Variants in IQCH observed in about 807,000 individuals in gnomAD.
IQCH encodes IQ motif containing H.
IQCH carries 98 observed loss-of-function variants against 117.0 expected under a neutral mutation model. The ratio of observed to expected loss-of-function variants is 0.84; its 90% confidence interval spans 0.71 to 0.99. IQCH has a LOEUF of 0.99. Among genes scored for constraint, IQCH ranks in the 50% least tolerant of loss-of-function variants. The pLI, the probability that IQCH is intolerant of heterozygous loss-of-function variation, is 0.00. For synonymous variants in IQCH, 412 were observed against 448.2 expected (o/e 0.92, Z 1.02); for missense variants, 1,102 against 1,243.8 (o/e 0.89, Z 1.72).
Position 67,359,808 on chromosome 15 carries a change from G to T in IQCH, c.715-39G>T, listed in dbSNP as rs1471755617. On this transcript the variant is annotated intron_variant, in intron 7 of 20. Coordinates refer to ENST00000335894, the MANE Select transcript of IQCH (RefSeq NM_001031715.3). This position sits in a 1 kb window ranked among gnomAD's most constrained non-coding sequence, Gnocchi z 4.5. ...TTGTTTTGTAAAATTGCCCATGAGA[G>T]TCGTTTTGATTTAAACTGTGTCTCA... is the stretch of plus-strand genomic sequence containing the variant. 1 of 1,557,160 alleles carries T rather than the reference G, an allele frequency of 6.4e-7. No homozygotes were observed. The highest frequency in any genetic ancestry group is 8.9e-7 in the Non-Finnish European group (1 of 1,128,042).
intron 3 of IQCH, 109 bp downstream of exon 3, chr15:67,263,325 A>G (rs1965536308): frequency 3.1e-6 from 2 of 635,498 alleles, no homozygotes; most frequent in African/African-American, 1.8e-5. Context: ...TGGCTTTCTT[A>G]ACATCCTTTC....
intron 18 of IQCH, among the ~76,000 whole-genome samples, chr15:67,477,334 A>G (rs970991380): frequency 6.6e-6 from 1 of 152,032 alleles, no homozygotes; most frequent in African/African-American, 2.4e-5. Context: ...GGCATGAGCC[A>G]CCGCGCCCAG....
At chr15:67,295,206 C>T (rs1385362239) in intron 4 of IQCH, among the ~76,000 whole-genome samples, 1 of 152,162 alleles carries the variant, frequency 6.6e-6, no homozygotes, top group African/African-American at 2.4e-5. Flanking sequence ...AGTGCCACCT[C>T]ATTTTTTGTG....
chr15:67,421,073 G>A (rs549040692), intron 15 of IQCH: 19 of 566,930 alleles, frequency 3.4e-5, no homozygotes, highest in East Asian at 2.7e-4. Context: ...TATACCAAGC[G>A]CTGGGCTGAA....
chr15:67,425,902 G>T lies in IQCH; in HGVS notation c.2505+4325G>T, dbSNP rs1390327533. Among the ~76,000 whole-genome samples the T allele has an allele frequency of 6.6e-6, 1 of 152,176 alleles. No individual in the cohort carries two copies. Among genetic ancestry groups the T allele is most frequent in the Non-Finnish European group, 1.5e-5 (1 of 68,028 alleles). On this transcript the variant is annotated intron_variant, in intron 16 of 20. Transcript: ENST00000335894. This position sits in a 1 kb window ranked among gnomAD's most constrained non-coding sequence, Gnocchi z 5.5. ...CTGTATGTATTTATGTCAGTATGAA[G>T]TCATGGGTTTCTATTTTATTTAATG...
At chr15:67,320,043 T>A (rs533053269) in intron 4 of IQCH, among the ~76,000 whole-genome samples, 146 of 152,344 alleles carry the variant, frequency 9.6e-4, no homozygotes, top group Non-Finnish European at 6.8e-4. Flanking sequence ...CCTTTCAGGT[T>A]TGCTTAGGCA....
chr15:67,440,725 T>C (rs933657203), intron 16 of IQCH, among the ~76,000 whole-genome samples: 1 of 152,178 alleles, frequency 6.6e-6, no homozygotes, highest in African/African-American at 2.4e-5. Flanking sequence ...CTTAATGTAG[T>C]ACAAGCCATC....
At chr15:67,486,038 C>CTTT (rs55963427) in intron 18 of IQCH, among the ~76,000 whole-genome samples, 130 of 106,340 alleles carry the variant, frequency 1.2e-3, no homozygotes, top group Admixed American at 1.5e-3. Flanking sequence ...GCTAAGTTTT[C>CTTT]TTTTTTTTTT....
intron 2 of IQCH, among the ~76,000 whole-genome samples, chr15:67,261,926 A>C (rs187385634): frequency 1.1e-3 from 168 of 152,044 alleles, no homozygotes; most frequent in Admixed American, 2.3e-3. Flanking sequence ...TCTCTACAAA[A>C]ATTTTTTAAA....
rs2083949644 is a variant in IQCH, at chr15:67,500,460, T to A, written c.2971-173T>A. Among the ~76,000 whole-genome samples the A allele has an allele frequency of 6.6e-6, 1 of 152,212 alleles. No individual in the cohort carries two copies. Among genetic ancestry groups the A allele is most frequent in the South Asian group, 2.1e-4 (1 of 4,830 alleles). On this transcript the variant is annotated intron_variant, in intron 20 of 20. Transcript: ENST00000335894. The surrounding 1 kb of genome is among the most constrained non-coding windows in gnomAD (Gnocchi z 4.4). Reference sequence around the variant, plus strand: ...TTTCCAAATTCTTACTCTCAATTTTTTTACTCATTTCAGCAAGACTGGTAA... The same window carrying A: ...TTTCCAAATTCTTACTCTCAATTTTATTACTCATTTCAGCAAGACTGGTAA...
intron 5 of IQCH, among the ~76,000 whole-genome samples, chr15:67,339,952 A>G (rs1455059047): frequency 1.3e-5 from 2 of 152,152 alleles, no homozygotes; most frequent in African/African-American, 2.4e-5. Flanking sequence ...CAGGACCTAT[A>G]AATTTGGGTA....
chr15:67,297,222 C>G (rs1966857893), intron 4 of IQCH, among the ~76,000 whole-genome samples: 1 of 152,044 alleles, frequency 6.6e-6, no homozygotes, highest in Non-Finnish European at 1.5e-5. Context: ...AAATAATGAA[C>G]AATTACATTT....
At chr15:67,353,347 A>G (rs903153673) in intron 6 of IQCH, among the ~76,000 whole-genome samples, 1 of 131,596 alleles carries the variant, frequency 7.6e-6, no homozygotes, top group Admixed American at 8.3e-5. Flanking sequence ...TTATTTTTTT[A>G]TTTTATATTT....
In IQCH at chr15:67,416,530, AAAAAACAAAAAAC is replaced by A. The variant is rs980792478; in HGVS notation, c.2098-388_2098-376del. 3.2e-4 allele frequency among the ~76,000 whole-genome samples: 48 copies of A among 151,764 alleles called. No individual in the cohort carries two copies. Among genetic ancestry groups the A allele is most frequent in the African/African-American group, 1.1e-3 (46 of 41,344 alleles). ...AAAACTGCGTCTCAAAAAAAAAAAG[AAAAAACAAAAAAC>A]AAAAACAAAAAAAACAGTTAACCCC... is the stretch of plus-strand genomic sequence containing the variant. On this transcript the variant is annotated intron_variant, in intron 14 of 20. Transcript: ENST00000335894. This position sits in a 1 kb window ranked among gnomAD's most constrained non-coding sequence, Gnocchi z 5.1.
Position 67,445,148 on chromosome 15 carries a change from C to G in IQCH, c.2506-19979C>G, listed in dbSNP as rs542766393. Among the ~76,000 whole-genome samples, 2 of 152,208 alleles carry G rather than the reference C, an allele frequency of 1.3e-5. No individual in the cohort carries two copies. The highest frequency in any genetic ancestry group is 3.9e-4 in the East Asian group (2 of 5,188). ...TTTCAGTAAAACAAAAACTTAAACACGTCGTTGAACATCTGTTACTAGTAC... is the reference window on the plus strand; with the variant it reads ...TTTCAGTAAAACAAAAACTTAAACAGGTCGTTGAACATCTGTTACTAGTAC... On this transcript the variant is annotated intron_variant, in intron 16 of 20. Coordinates refer to ENST00000335894, the MANE Select transcript of IQCH (RefSeq NM_001031715.3). This position sits in a 1 kb window ranked among gnomAD's most constrained non-coding sequence, Gnocchi z 4.3.
rs1305250199 is a variant in IQCH at position 67,424,033 on chromosome 15, C to T, written c.2505+2456C>T. Among the ~76,000 whole-genome samples the T allele has an allele frequency of 6.6e-6, 1 of 152,134 alleles. No homozygotes were observed. The highest frequency in any genetic ancestry group is 1.5e-5 in the Non-Finnish European group (1 of 68,022). Reference sequence around the variant, plus strand: ...AGCAGTCAAAAGGATCTTCTCCAAACACGATGCCAGTCCTTCCTTGGGCTT... The same window carrying T: ...AGCAGTCAAAAGGATCTTCTCCAAATACGATGCCAGTCCTTCCTTGGGCTT... On this transcript the variant is annotated intron_variant, in intron 16 of 20. Coordinates refer to ENST00000335894, the MANE Select transcript of IQCH (RefSeq NM_001031715.3). The surrounding 1 kb of genome is among the most constrained non-coding windows in gnomAD (Gnocchi z 4.9).
At chr15:67,329,564 T>C (rs1968568565) in intron 4 of IQCH, among the ~76,000 whole-genome samples, 1 of 151,868 alleles carries the variant, frequency 6.6e-6, no homozygotes, top group Non-Finnish European at 1.5e-5. Context: ...CTTAAACTCC[T>C]GGGCTCAAGC....
chr15:67,389,063 A>G (rs1971198763), intron 12 of IQCH, 57 bp downstream of exon 12: 3 of 1,416,380 alleles, frequency 2.1e-6, no homozygotes, highest in Admixed American at 3.6e-5. Flanking sequence ...TAAATTGGAA[A>G]TTTTAATAAC....
chr15:67,323,277 C>T (rs560495081), intron 4 of IQCH, among the ~76,000 whole-genome samples: 1 of 114,448 alleles, frequency 8.7e-6, no homozygotes, highest in South Asian at 2.9e-4. Flanking sequence ...GAGTCTTGCT[C>T]TGTCGTCCAG....
Sources: allele counts gnomAD v4.1 joint callset (sites outside exome capture counted in the v4.1 genomes callset), GRCh38; gene constraint gnomAD v4.1.1; non-coding constraint Gnocchi (gnomAD v3.1); transcripts MANE v1.5; gene names NCBI Gene and HGNC (gene_info 2026-07-23, HGNC 2026-07-21).